Variants in NAALADL2 observed in about 807,000 individuals in gnomAD.
The protein encoded by NAALADL2 is inactive N-acetylated-alpha-linked acidic dipeptidase-like protein 2.
In NAALADL2, 76 loss-of-function variants were observed where a neutral mutation model predicts 87.2. That is an observed-to-expected ratio of 0.87 (90% confidence interval 0.72 to 1.05). The LOEUF is 1.05. NAALADL2 is among the 50% of genes least tolerant of loss of function. The pLI is 0.00. For synonymous variants in NAALADL2, 354 were observed against 331.0 expected (o/e 1.07, Z -0.75); for missense variants, 1,089 against 945.8 (o/e 1.15, Z -1.99).
At chr3:175,007,691 A>T (rs2108789898) in intron 1 of NAALADL2, among the ~76,000 whole-genome samples, 1 of 152,292 alleles carries the variant, frequency 6.6e-6, no homozygotes, top group East Asian at 1.9e-4. Flanking sequence ...GAAACCTCAG[A>T]TAGGATGGAA....
At chr3:174,864,929 T>C (rs994178539) in intron 1 of NAALADL2, among the ~76,000 whole-genome samples, 1 of 152,144 alleles carries the variant, frequency 6.6e-6, no homozygotes, top group Admixed American at 6.6e-5. Flanking sequence ...GAAGATGTTA[T>C]TAGGATGACA....
At chr3:174,898,574 A>G (rs1240445840) in intron 1 of NAALADL2, among the ~76,000 whole-genome samples, 1 of 152,060 alleles carries the variant, frequency 6.6e-6, no homozygotes, top group Non-Finnish European at 1.5e-5. Context: ...TGATGTACTT[A>G]TTTCCAATTG....
chr3:174,882,635 A>G (rs34535604), intron 1 of NAALADL2, among the ~76,000 whole-genome samples: 30 of 77,440 alleles, frequency 3.9e-4, no homozygotes, highest in East Asian at 8.1e-4. Context: ...ATGTGCATAT[A>G]CACATATGTG....
intron 9 of NAALADL2, among the ~76,000 whole-genome samples, chr3:175,482,483 A>T (rs1726622496): frequency 6.6e-6 from 1 of 151,956 alleles, no homozygotes; most frequent in South Asian, 2.1e-4. Context: ...TTATTATTAC[A>T]ATATAACTTC....
intron 3 of NAALADL2, among the ~76,000 whole-genome samples, chr3:174,755,442 A>G (rs1343966827): frequency 1.3e-5 from 2 of 152,328 alleles, no homozygotes; most frequent in East Asian, 3.9e-4. Flanking sequence ...GGTGAAATTA[A>G]TATGTAACAA....
chr3:175,133,508 C>G (rs1479441635), intron 2 of NAALADL2, among the ~76,000 whole-genome samples: 2 of 152,166 alleles, frequency 1.3e-5, no homozygotes, highest in Non-Finnish European at 2.9e-5. Flanking sequence ...TCACTCGCAG[C>G]TAGGAGCTGG....
At chr3:175,630,367 C>T (rs573323509) in intron 11 of NAALADL2, among the ~76,000 whole-genome samples, 13 of 151,664 alleles carry the variant, frequency 8.6e-5, no homozygotes, top group Middle Eastern at 3.4e-3. Flanking sequence ...AAAAGGAATA[C>T]GCTCATAATG....
intron 13 of NAALADL2, among the ~76,000 whole-genome samples, chr3:175,785,074 T>C (rs1751733482): frequency 6.6e-6 from 1 of 151,226 alleles, no homozygotes; most frequent in Admixed American, 6.6e-5. Flanking sequence ...AGAGATAGTT[T>C]GTTATAATGT....
chr3:175,288,371 T>C (rs1755240110), intron 4 of NAALADL2, among the ~76,000 whole-genome samples: 2 of 152,156 alleles, frequency 1.3e-5, no homozygotes, highest in Non-Finnish European at 2.9e-5. Flanking sequence ...GTTAATCTCA[T>C]GGGAAAGCAG....
At chr3:175,091,421 G>A (rs1478717755) in intron 1 of NAALADL2, among the ~76,000 whole-genome samples, 1 of 151,956 alleles carries the variant, frequency 6.6e-6, no homozygotes, top group Non-Finnish European at 1.5e-5. Flanking sequence ...TTTAATCATG[G>A]ATTGTCATAG....
chr3:174,705,629 A>G (rs936234476), intron 2 of NAALADL2, among the ~76,000 whole-genome samples: 1 of 151,856 alleles, frequency 6.6e-6, no homozygotes, highest in Non-Finnish European at 1.5e-5. Context: ...CTAAAAATAC[A>G]AAAATTAGCC....
At chr3:175,713,950 A>G (rs1374045416) in intron 11 of NAALADL2, among the ~76,000 whole-genome samples, 1 of 152,084 alleles carries the variant, frequency 6.6e-6, no homozygotes, top group Non-Finnish European at 1.5e-5. Context: ...CTCATTGTTC[A>G]ACTCCCACTT....
intron 9 of NAALADL2, among the ~76,000 whole-genome samples, chr3:175,510,818 C>T (rs1731047369): frequency 6.6e-6 from 1 of 152,132 alleles, no homozygotes; most frequent in Non-Finnish European, 1.5e-5. Flanking sequence ...AACCCTAAAA[C>T]CCCTTTCATC....
intron 2 of NAALADL2, among the ~76,000 whole-genome samples, chr3:174,588,607 C>A (rs1351243432): frequency 6.6e-6 from 1 of 152,206 alleles, no homozygotes; most frequent in Non-Finnish European, 1.5e-5. Flanking sequence ...TCAGGACCCT[C>A]AGCTGCAGGT....
intron 5 of NAALADL2, among the ~76,000 whole-genome samples, chr3:175,373,230 G>A (rs1449129503): frequency 6.6e-6 from 1 of 152,168 alleles, no homozygotes; most frequent in African/African-American, 2.4e-5. Context: ...AGTTTGGCCA[G>A]TGTAAACAGT....
At chr3:174,607,707 A>C (rs1719270841) in intron 2 of NAALADL2, among the ~76,000 whole-genome samples, 1 of 152,130 alleles carries the variant, frequency 6.6e-6, no homozygotes, top group Admixed American at 6.5e-5. Context: ...ACTCCCACAC[A>C]TTAATAATGG....
chr3:174,679,513 G>T (rs890310776), intron 2 of NAALADL2, among the ~76,000 whole-genome samples: 1 of 152,078 alleles, frequency 6.6e-6, no homozygotes, highest in African/African-American at 2.4e-5. Context: ...GGTTACATCT[G>T]TGGCTCACAT....
intron 1 of NAALADL2, among the ~76,000 whole-genome samples, chr3:174,956,943 G>A (rs1741234116): frequency 1.3e-5 from 2 of 151,968 alleles, no homozygotes; most frequent in Admixed American, 1.3e-4. Context: ...CTTGACACAA[G>A]CCATTCTCCT....
chr3:175,639,766 G>A (rs75405060), intron 11 of NAALADL2, among the ~76,000 whole-genome samples: 16,645 of 152,128 alleles, frequency 0.11, 1,099 homozygotes, highest in Non-Finnish European at 0.16. Context: ...ATCCTGAATA[G>A]GAACATTTTC....
Sources: gnomAD v4.1 joint callset for allele counts (sites outside exome capture counted in the v4.1 genomes callset) on GRCh38, gnomAD v4.1.1 for gene constraint, MANE v1.5 for transcripts, NCBI Gene and HGNC (gene_info 2026-07-23, HGNC 2026-07-21) for gene names.